GJA9: variants seen among roughly 807,000 people sequenced by gnomAD.
GJA9 encodes gap junction protein alpha 9, also known as gap junction alpha-9 protein.
GJA9 carries 1 observed loss-of-function variant against 0.4 expected under a neutral mutation model. That is an observed-to-expected ratio of 2.50 (90% CI 0.89 to 11.88). GJA9 has a LOEUF of 11.88. GJA9 is among the 30% of genes most tolerant of loss of function. The probability of loss-of-function intolerance (pLI) is 0.12; values close to 1 mark genes in which losing one functional copy is unlikely to be tolerated. For synonymous variants in GJA9, 190 were observed against 219.1 expected, an observed-to-expected ratio of 0.87 and a Z score of 1.17; for missense variants, 550 against 602.8, an observed-to-expected ratio of 0.91 and a Z score of 0.92.
chr1:38,880,412 TAAATAA>T lies in GJA9; in HGVS notation c.-96+1014_-96+1019del, dbSNP rs1351490478. 7.5e-4 allele frequency among the ~76,000 whole-genome samples: 56 copies of T among 74,930 alleles called. 2 individuals carry two copies. Among genetic ancestry groups the T allele is most frequent in the African/African-American group, 2.7e-3 (51 of 19,222 alleles). 49.2% of individuals were successfully genotyped at this position (74,930 alleles called of 152,430 possible). A position where few individuals can be genotyped will look rare whatever the true frequency, so the allele number is the denominator to read the frequency against. On this transcript the variant is annotated intron_variant, in intron 1 of 1. Transcript: ENST00000357771. The stretch of plus-strand genomic sequence containing the variant: ...AGCAAGACTCTGTCTCAAAAAAAAA[TAAATAA>T]TAATAATAATAATAATAATAATAAT...
Position 38,876,161 on chromosome 1 carries a change from A to T in GJA9, c.-63T>A. 1 of 1,304,154 alleles carries T rather than the reference A, an allele frequency of 7.7e-7. No homozygotes were observed. 80.8% of individuals were successfully genotyped at this position (1,304,154 alleles called of 1,614,324 possible). A position where few individuals can be genotyped will look rare whatever the true frequency, so the allele number is the denominator to read the frequency against. ...AAATAAGAGGCAGATAAATTCTTCC[A>T]TTCTGAAGGGAGCACTATTTCTTAA... is the stretch of plus-strand genomic sequence containing the variant. On this transcript the variant is annotated 5_prime_UTR_variant, in exon 2 of 2. An upstream start codon of the reference 5' UTR is lost. Coordinates refer to ENST00000357771, the MANE Select transcript of GJA9 (RefSeq NM_030772.5).
intron 1 of GJA9, among the ~76,000 whole-genome samples, chr1:38,878,097 G>GT (rs397785052): frequency 1.3e-5 from 2 of 150,976 alleles, no homozygotes; most frequent in South Asian, 2.1e-4. Flanking sequence ...TTGGTGGGGG[G>GT]AGACAGAGTC....
chr1:38,878,696 CCAAAAATTCTCAA>C (rs1642636745), intron 1 of GJA9, among the ~76,000 whole-genome samples: 2 of 149,746 alleles, frequency 1.3e-5, no homozygotes, highest in South Asian at 4.3e-4. Flanking sequence ...AAAAAGAACT[CCAAAAATTCTCAA>C]CTATTTTATG....
At position 38,875,471 on chromosome 1, in the gene GJA9, T is replaced by G; in HGVS notation, c.628A>C (p.Ile210Leu). ...CFVSRPTEKT[I>L]FLLFMQSIAT... ...ATAGATTGCATAAATAATAGGAATATTGTCTTTTCTGTTGGTCTTGAGACA... is the reference window on the plus strand; with the variant it reads ...ATAGATTGCATAAATAATAGGAATAGTGTCTTTTCTGTTGGTCTTGAGACA... The change falls in exon 2 of 2, where the codon ATA becomes CTA. Residue 210 changes from isoleucine (I) to leucine (L), a missense_variant. Ile to Leu is a conservative substitution (Grantham distance 5, BLOSUM62 2). Coordinates refer to ENST00000357771, the MANE Select transcript of GJA9 (RefSeq NM_030772.5). The G allele has an allele frequency of 6.2e-7, 1 of 1,614,166 alleles. No individual in the cohort carries two copies. The highest frequency in any genetic ancestry group is 2.2e-5 in the East Asian group (1 of 44,882).
In GJA9 at chr1:38,875,375, G is replaced by T; in HGVS notation, c.724C>A (p.Leu242Ile). ...TTCTTCAACTTGTATTTTCCCCAAAGCCCTCTTTTAATCTTTTTAAAACCT... is the reference window on the plus strand; with the variant it reads ...TTCTTCAACTTGTATTTTCCCCAAATCCCTCTTTTAATCTTTTTAAAACCT... ...HLGFKKIKRG[L>I]WGKYKLKKEH... Residue 242 changes from leucine to isoleucine, a missense_variant, in exon 2 of 2, where the codon CTT becomes ATT. Leu to Ile is a conservative substitution (Grantham distance 5). Coordinates refer to ENST00000357771, the MANE Select transcript of GJA9 (RefSeq NM_030772.5). The T allele has an allele frequency of 1.2e-6, 2 of 1,613,952 alleles. No homozygotes were observed. Among genetic ancestry groups the T allele is most frequent in the Admixed American group, 1.7e-5 (1 of 59,974 alleles).
chr1:38,875,242 A>C lies in GJA9; in HGVS notation c.857T>G (p.Leu286Arg), dbSNP rs945289810. 5.6e-6 allele frequency: 9 copies of C among 1,614,036 alleles called. No homozygotes were observed. The highest frequency in any genetic ancestry group is 5.9e-6 in the Non-Finnish European group (7 of 1,180,022). Reference protein sequence around the residue: ...KRLPSAPDYNLLVEKQTHTAV... With the variant: ...KRLPSAPDYNRLVEKQTHTAV... Reference sequence around the variant, plus strand: ...AGTGTGTGTTTGCTTTTCCACTAACAGATTATAATCAGGGGCAGAAGGGAG... The same window carrying C: ...AGTGTGTGTTTGCTTTTCCACTAACCGATTATAATCAGGGGCAGAAGGGAG... The change falls in exon 2 of 2, where the codon CTG (leucine) becomes CGG (arginine). Residue 286 changes from leucine to arginine, a missense_variant. Physicochemically the swap from Leu to Arg is moderately radical, Grantham distance 102 (BLOSUM62 -2). Coordinates refer to ENST00000357771, the MANE Select transcript of GJA9 (RefSeq NM_030772.5).
intron 1 of GJA9, among the ~76,000 whole-genome samples, chr1:38,877,687 C>T (rs748312728): frequency 2.0e-5 from 3 of 151,800 alleles, no homozygotes; most frequent in Non-Finnish European, 4.4e-5. Flanking sequence ...TTAGTAGACA[C>T]GGGGTTTCAC....
In GJA9 at chr1:38,876,125, TG is replaced by T; in HGVS notation, c.-28del. The T allele has an allele frequency of 1.3e-6, 2 of 1,551,458 alleles. No homozygotes were observed. The highest frequency in any genetic ancestry group is 1.8e-6 in the Non-Finnish European group (2 of 1,131,358). ...TTTATTTAGTCAGCCATCTTAGCTCTGATCCACATCAAATAAGAGGCAGATA... is the reference window on the plus strand; with the variant it reads ...TTTATTTAGTCAGCCATCTTAGCTCTATCCACATCAAATAAGAGGCAGATA... On this transcript the variant is annotated 5_prime_UTR_variant, in exon 2 of 2. The change abolishes the stop of an existing upstream ORF in the 5' untranslated region. Coordinates refer to ENST00000357771, the MANE Select transcript of GJA9 (RefSeq NM_030772.5).
chr1:38,878,449 T>TGG (rs1642630849), intron 1 of GJA9, among the ~76,000 whole-genome samples: 2 of 149,794 alleles, frequency 1.3e-5, no homozygotes, highest in Non-Finnish European at 3.0e-5. Context: ...GGGAGGCCGA[T>TGG]GCGGATCACC....
rs1238435236 is a variant in GJA9, at chr1:38,875,814, A to G, written c.285T>C (p.His95=). Residue 95 remains histidine (H), a synonymous_variant, in exon 2 of 2, where the codon CAT becomes CAC. Coordinates refer to ENST00000357771, the MANE Select transcript of GJA9 (RefSeq NM_030772.5). ...CAAGAACTCTCAGTCGGTACAATGC[A>G]TGGCCCATGTAGACCAGGGATGGTG... The part of the protein sequence containing the change: ...VSSPSLVYMG[H]ALYRLRVLEE... 1.2e-6 allele frequency: 2 copies of G among 1,614,246 alleles called. No individual in the cohort carries two copies. The highest frequency in any genetic ancestry group is 2.2e-5 in the South Asian group (2 of 91,084).
At chr1:38,877,955 T>G (rs1642619543) in intron 1 of GJA9, among the ~76,000 whole-genome samples, 2 of 152,206 alleles carry the variant, frequency 1.3e-5, no homozygotes, top group Admixed American at 1.3e-4. Flanking sequence ...TTGAAATAAA[T>G]TTGAAATAAA....
At position 38,875,707 on chromosome 1, in the gene GJA9, C is replaced by G; in HGVS notation, c.392G>C (p.Arg131Thr). The change falls in exon 2 of 2, where the codon AGA (arginine) becomes ACA (threonine). Residue 131 changes from arginine to threonine, a missense_variant. Coordinates refer to ENST00000357771, the MANE Select transcript of GJA9 (RefSeq NM_030772.5). ...CAGCTGACAAAGCTCTTGCTCCAAT[C>G]TCCTCCGATCCCTAGGCATTTCAAA... Reference protein sequence around the residue: ...VEFEMPRDRRRLEQELCQLEK... With the variant: ...VEFEMPRDRRTLEQELCQLEK... 6.2e-7 allele frequency: 1 copy of G among 1,614,230 alleles called. No individual in the cohort carries two copies. Among genetic ancestry groups the G allele is most frequent in the Non-Finnish European group, 8.5e-7 (1 of 1,180,034 alleles).
intron 1 of GJA9, among the ~76,000 whole-genome samples, chr1:38,878,604 G>A (rs932806957): frequency 2.0e-5 from 3 of 151,218 alleles, no homozygotes; most frequent in African/African-American, 2.4e-5. Context: ...TTGAACCTGG[G>A]AGGCAGAGGT....
Position 38,875,650 on chromosome 1 carries a change from C to T in GJA9, c.449G>A (p.Arg150Lys), listed in dbSNP as rs1428636574. The T allele has an allele frequency of 3.1e-6, 5 of 1,614,124 alleles. No individual in the cohort carries two copies. The Admixed American group carries it at 8.3e-5, about 27-fold the overall frequency. ...EKRKLNKAPL[R>K]GTLLCTYVIH... ...CACATAAGTGCAAAGCAAGGTTCCT[C>T]TGAGTGGAGCTTTATTTAGTTTCCT... Residue 150 changes from arginine (R) to lysine (K), a missense_variant, in exon 2 of 2, where the codon AGA becomes AAA. Transcript: ENST00000357771.
Position 38,876,143 on chromosome 1 carries a change from A to G in GJA9, c.-45T>C. On this transcript the variant is annotated 5_prime_UTR_variant, in exon 2 of 2. Transcript: ENST00000357771. ...TTAGCTCTGATCCACATCAAATAAGAGGCAGATAAATTCTTCCATTCTGAA... is the reference window on the plus strand; with the variant it reads ...TTAGCTCTGATCCACATCAAATAAGGGGCAGATAAATTCTTCCATTCTGAA... 1 of 1,468,934 alleles carries G rather than the reference A, an allele frequency of 6.8e-7. No individual in the cohort carries two copies. The highest frequency in any genetic ancestry group is 9.4e-7 in the Non-Finnish European group (1 of 1,066,296). The allele number at this position is 1,468,934 out of a possible 1,614,324, so 91.0% of individuals were successfully genotyped here.
At chr1:38,880,808 T>G (rs1210813845) in intron 1 of GJA9, among the ~76,000 whole-genome samples, 2 of 151,964 alleles carry the variant, frequency 1.3e-5, no homozygotes, top group Non-Finnish European at 2.9e-5. Flanking sequence ...GTAAGCAAGT[T>G]AAGTCTCATT....
intron 1 of GJA9, among the ~76,000 whole-genome samples, chr1:38,880,308 G>T (rs1642668203): frequency 6.7e-6 from 1 of 149,838 alleles, no homozygotes; most frequent in East Asian, 2.0e-4. Flanking sequence ...GGAGGCTGAG[G>T]CAGAAGAATC....
Position 38,874,933 on chromosome 1 carries a change from G to T in GJA9, c.1166C>A (p.Ser389Tyr). 1 of 1,614,194 alleles carries T rather than the reference G, an allele frequency of 6.2e-7. No individual in the cohort carries two copies. Among genetic ancestry groups the T allele is most frequent in the Non-Finnish European group, 8.5e-7 (1 of 1,180,028 alleles). The change falls in exon 2 of 2, where the codon TCT (serine) becomes TAT (tyrosine). Residue 389 changes from serine (S) to tyrosine (Y), a missense_variant. Coordinates refer to ENST00000357771, the MANE Select transcript of GJA9 (RefSeq NM_030772.5). ...KRNYYSRGHR[S>Y]IPGVAIDGEN... The stretch of plus-strand genomic sequence containing the variant: ...TCCATCTATAGCAACACCTGGAATA[G>T]AACGGTGACCTCTAGAGTAGTAGTT...
At chr1:38,879,224 G>A (rs1451568601) in intron 1 of GJA9, among the ~76,000 whole-genome samples, 1 of 152,138 alleles carries the variant, frequency 6.6e-6, no homozygotes, top group Non-Finnish European at 1.5e-5. Flanking sequence ...TGCATATTAA[G>A]GTTGGTATCC....
Sources: gnomAD v4.1 joint callset for allele counts (sites outside exome capture counted in the v4.1 genomes callset) on GRCh38, gnomAD v4.1.1 for gene constraint, MANE v1.5 for transcripts, NCBI Gene and HGNC (gene_info 2026-07-23, HGNC 2026-07-21) for gene names.